The following MARK1 variants were observed in gnomAD, a reference collection of about 807,000 sequenced individuals.
The protein encoded by MARK1 is microtubule affinity regulating kinase 1.
In MARK1, 40 loss-of-function variants were observed where a neutral mutation model predicts 96.3. The observed-to-expected ratio is 0.42, with a 90% CI of 0.32 to 0.54. The LOEUF (loss-of-function observed/expected upper bound fraction) is 0.54. Ranked by LOEUF, MARK1 falls within the 20% of genes least tolerant of loss-of-function variation. MARK1 has a pLI of 0.16. For missense variants in MARK1, 719 were observed against 984.6 expected (o/e 0.73, Z 3.61); for synonymous variants, 317 against 341.2 (o/e 0.93, Z 0.78).
At chr1:220,542,025 G>T (rs1484670613) in intron 1 of MARK1, among the ~76,000 whole-genome samples, 1 of 152,008 alleles carries the variant, frequency 6.6e-6, no homozygotes, top group Non-Finnish European at 1.5e-5. Context: ...GTGTAAGCTG[G>T]GTTCTATCAG....
chr1:220,634,921 T>A (rs1317706195), intron 11 of MARK1, among the ~76,000 whole-genome samples: 1 of 152,226 alleles, frequency 6.6e-6, no homozygotes, highest in East Asian at 1.9e-4. Context: ...GTGTGTATAT[T>A]TAAAATTTTA....
chr1:220,607,743 G>T (rs1410137908), intron 6 of MARK1, among the ~76,000 whole-genome samples: 3 of 152,102 alleles, frequency 2.0e-5, no homozygotes, highest in African/African-American at 7.2e-5. Flanking sequence ...TCAATACCTG[G>T]TTTATCGAGA....
At chr1:220,651,774 A>G (rs931885378) in intron 14 of MARK1, among the ~76,000 whole-genome samples, 4 of 152,186 alleles carry the variant, frequency 2.6e-5, no homozygotes, top group African/African-American at 4.8e-5. Context: ...TTCATAGATG[A>G]TAGTGATAAA....
Position 220,556,919 on chromosome 1 carries a change from A to T in MARK1, c.52-22435A>T, listed in dbSNP as rs182447503. 1.0e-3 allele frequency among the ~76,000 whole-genome samples: 153 copies of T among 152,316 alleles called. No homozygotes were observed. The Middle Eastern group carries it at 0.014, about 14-fold the overall frequency. ...TGGTTAATAAATATGGAATACAGATAAGAAAGTGCAGCATTCATCTAGTAG... is the reference window on the plus strand; with the variant it reads ...TGGTTAATAAATATGGAATACAGATTAGAAAGTGCAGCATTCATCTAGTAG... On this transcript the variant is annotated intron_variant, in intron 1 of 17. Transcript: ENST00000366917.
rs748692645 is a variant in MARK1 at position 220,604,144 on chromosome 1, A to C, written c.495+7A>C. 6.2e-7 allele frequency: 1 copy of C among 1,601,874 alleles called. No individual in the cohort carries two copies. Among genetic ancestry groups the C allele is most frequent in the Non-Finnish European group, 8.5e-7 (1 of 1,170,734 alleles). On this transcript the variant is annotated splice_region_variant and intron_variant, in intron 6 of 17. Transcript: ENST00000366917. The stretch of plus-strand genomic sequence containing the variant: ...CCGTGCAAAATTTAGGCAGGTATGG[A>C]AAGTAGTTTTCAACTTTGTTTTGCT...
intron 7 of MARK1, among the ~76,000 whole-genome samples, chr1:220,617,551 T>C (rs1478816935): frequency 6.6e-6 from 1 of 152,218 alleles, no homozygotes; most frequent in Non-Finnish European, 1.5e-5. Flanking sequence ...CAAAAGCAAG[T>C]CCTTTATTGA....
chr1:220,615,262 A>T (rs1257114940), intron 6 of MARK1, among the ~76,000 whole-genome samples: 1 of 152,110 alleles, frequency 6.6e-6, no homozygotes, highest in Non-Finnish European at 1.5e-5. Flanking sequence ...CCTGTGTGAT[A>T]GTTAAAAATT....
At chr1:220,657,199 G>T (rs1669221311) in intron 16 of MARK1, among the ~76,000 whole-genome samples, 3 of 152,102 alleles carry the variant, frequency 2.0e-5, no homozygotes, top group Non-Finnish European at 4.4e-5. Context: ...TTCGCAGGTG[G>T]ATATCCAGGT....
chr1:220,592,437 A>G (rs1044615855), intron 3 of MARK1, among the ~76,000 whole-genome samples: 9 of 151,762 alleles, frequency 5.9e-5, no homozygotes, highest in Non-Finnish European at 8.8e-5. Context: ...CAGTACTAAC[A>G]GCTAAAAAGA....
chr1:220,610,465 G>A (rs1223073774), intron 6 of MARK1, among the ~76,000 whole-genome samples: 1 of 151,950 alleles, frequency 6.6e-6, no homozygotes, highest in Non-Finnish European at 1.5e-5. Flanking sequence ...CTTTTTTCAG[G>A]GTTTTTAGCT....
chr1:220,578,946 G>A (rs182793815), intron 1 of MARK1, among the ~76,000 whole-genome samples: 4 of 152,216 alleles, frequency 2.6e-5, no homozygotes, highest in Non-Finnish European at 5.9e-5. Context: ...AGGTTCAAGC[G>A]ATTCTCCTCC....
chr1:220,597,701 A>G (rs1665471942), intron 3 of MARK1, among the ~76,000 whole-genome samples: 1 of 152,238 alleles, frequency 6.6e-6, no homozygotes, highest in South Asian at 2.1e-4. Flanking sequence ...AGAAAATAAT[A>G]CCAAATTATG....
At chr1:220,551,273 C>T (rs1174418094) in intron 1 of MARK1, among the ~76,000 whole-genome samples, 1 of 152,162 alleles carries the variant, frequency 6.6e-6, no homozygotes, top group African/African-American at 2.4e-5. Context: ...TGTGTCTGGC[C>T]CTGCACTGAC....
chr1:220,605,479 T>G (rs1356678984), intron 6 of MARK1, among the ~76,000 whole-genome samples: 1 of 151,400 alleles, frequency 6.6e-6, no homozygotes, highest in East Asian at 1.9e-4. Flanking sequence ...TTTTAAATTT[T>G]TATTTATTTT....
At chr1:220,563,707 A>G (rs767192681) in intron 1 of MARK1, among the ~76,000 whole-genome samples, 4 of 152,110 alleles carry the variant, frequency 2.6e-5, no homozygotes, top group South Asian at 2.1e-4. Context: ...ACTTGTGGTA[A>G]CCTAGGAATA....
rs753252591 is a variant in MARK1 at position 220,661,944 on chromosome 1, A to G, written c.2166A>G (p.Arg722=). The change falls in exon 18 of 18, where the codon CGA becomes CGG. Residue 722 remains arginine (R), a synonymous_variant. Coordinates refer to ENST00000366917, the MANE Select transcript of MARK1 (RefSeq NM_018650.5). ...CTAATGACATGATGAGAGAAATCCG[A>G]AAAGTGTTAGATGCAAATAACTGTG... ...MDPNDMMREI[R]KVLDANNCDY... 2.5e-6 allele frequency: 4 copies of G among 1,614,048 alleles called. No individual in the cohort carries two copies. Among genetic ancestry groups the G allele is most frequent in the African/African-American group, 1.3e-5 (1 of 74,918 alleles).
intron 16 of MARK1, among the ~76,000 whole-genome samples, chr1:220,653,806 A>G (rs977429789): frequency 1.3e-5 from 2 of 152,198 alleles, no homozygotes; most frequent in Non-Finnish European, 2.9e-5. Context: ...GCAATTTTAC[A>G]TCATAAAACC....
At chr1:220,586,045 G>A (rs2102861737) in intron 3 of MARK1, among the ~76,000 whole-genome samples, 1 of 147,660 alleles carries the variant, frequency 6.8e-6, no homozygotes, top group African/African-American at 2.4e-5. Context: ...AGTTTAAAAT[G>A]TAATACATAG....
rs1160701492 is a variant in MARK1, at chr1:220,528,188, T to C, written c.-635T>C. Reference sequence around the variant, plus strand: ...GGGCGCTGCGTGCCGCGCCCGCTGCTCCGCGCGCAGCCGGCTCGGGCCGCT... The same window carrying C: ...GGGCGCTGCGTGCCGCGCCCGCTGCCCCGCGCGCAGCCGGCTCGGGCCGCT... On this transcript the variant is annotated 5_prime_UTR_variant, in exon 1 of 18. Transcript: ENST00000366917. 6.7e-6 allele frequency: 1 copy of C among 150,160 alleles called. No homozygotes were observed. The highest frequency in any genetic ancestry group is 1.5e-5 in the Non-Finnish European group (1 of 67,362). The allele number at this position is 150,160 out of a possible 1,614,324, so 9.3% of individuals were successfully genotyped here.
Sources: allele counts gnomAD v4.1 joint callset (sites outside exome capture counted in the v4.1 genomes callset), GRCh38; gene constraint gnomAD v4.1.1; transcripts MANE v1.5; gene names NCBI Gene and HGNC (gene_info 2026-07-23, HGNC 2026-07-21).